The following UNC5C variants were observed in gnomAD, a reference collection of about 807,000 sequenced individuals.
The protein encoded by UNC5C is unc-5 netrin receptor C.
In UNC5C, 47 loss-of-function variants were observed where a neutral mutation model predicts 99.8. That is an observed-to-expected ratio of 0.47 (90% CI 0.37 to 0.60). The LOEUF is 0.60. UNC5C is among the 20% of genes least tolerant of loss of function. The pLI, the probability that UNC5C is intolerant of heterozygous loss-of-function variation, is 0.00. For synonymous variants in UNC5C, 487 were observed against 452.2 expected (o/e 1.08, Z -0.98); for missense variants, 1,062 against 1,165.9 (o/e 0.91, Z 1.30).
intron 7 of UNC5C, 138 bp downstream of exon 7, chr4:95,242,291 A>G: frequency 1.6e-6 from 2 of 1,245,428 alleles, no homozygotes; most frequent in Non-Finnish European, 2.2e-6. Flanking sequence ...CAATTTTGAG[A>G]GCAAGCTAGA....
At chr4:95,361,924 C>T (rs1282325734) in intron 1 of UNC5C, among the ~76,000 whole-genome samples, 1 of 151,700 alleles carries the variant, frequency 6.6e-6, no homozygotes, top group African/African-American at 2.4e-5. Flanking sequence ...GAGCACCATG[C>T]TACGTGACGT....
intron 1 of UNC5C, among the ~76,000 whole-genome samples, chr4:95,480,616 G>C (rs1298644294): frequency 6.6e-6 from 1 of 151,674 alleles, no homozygotes; most frequent in Non-Finnish European, 1.5e-5. Context: ...TCACAAGTTA[G>C]CCCTTGATAA....
In UNC5C at chr4:95,324,522, A is replaced by T. The variant is rs756904295; in HGVS notation, c.346+10888T>A. On this transcript the variant is annotated intron_variant, in intron 2 of 15. Coordinates refer to ENST00000453304, the MANE Select transcript of UNC5C (RefSeq NM_003728.4). ...TCATCCCCCTCCCACTTTGCGGAAA[A>T]ATTGTTTTCCATGAAAACGGTCCCT... 2.0e-4 allele frequency among the ~76,000 whole-genome samples: 31 copies of T among 152,288 alleles called. No homozygotes were observed. The Middle Eastern group carries it at 0.01, about 50-fold the overall frequency.
At chr4:95,542,933 A>T (rs1360517293) in intron 1 of UNC5C, among the ~76,000 whole-genome samples, 2 of 152,132 alleles carry the variant, frequency 1.3e-5, no homozygotes, top group Non-Finnish European at 2.9e-5. Flanking sequence ...ACTATAAATT[A>T]TCCCATTACT....
At chr4:95,469,103 C>T (rs1747887500) in intron 1 of UNC5C, among the ~76,000 whole-genome samples, 1 of 152,114 alleles carries the variant, frequency 6.6e-6, no homozygotes, top group South Asian at 2.1e-4. Context: ...CTATTCCTCC[C>T]TCCCTTAATT....
chr4:95,316,163 A>ACT (rs370776375), intron 2 of UNC5C, among the ~76,000 whole-genome samples: 77 of 152,320 alleles, frequency 5.1e-4, no homozygotes, highest in African/African-American at 1.8e-3. Flanking sequence ...AGCATGACCT[A>ACT]CTATATATGT....
chr4:95,453,506 A>T (rs1385834054), intron 1 of UNC5C, among the ~76,000 whole-genome samples: 2 of 152,094 alleles, frequency 1.3e-5, no homozygotes, highest in African/African-American at 4.8e-5. Flanking sequence ...AAAAAAAAGA[A>T]AGAAAAAACA....
At chr4:95,285,715 T>C (rs1192347212) in intron 3 of UNC5C, among the ~76,000 whole-genome samples, 1 of 152,198 alleles carries the variant, frequency 6.6e-6, no homozygotes, top group Non-Finnish European at 1.5e-5. Context: ...AACCCAGCAT[T>C]AAAAAGTGTG....
chr4:95,541,557 A>C (rs1409307024), intron 1 of UNC5C, among the ~76,000 whole-genome samples: 6 of 152,190 alleles, frequency 3.9e-5, no homozygotes, highest in Non-Finnish European at 8.8e-5. Flanking sequence ...ATCTAAGAGA[A>C]TGTATTTTAT....
chr4:95,200,170 C>T (rs925109384), intron 12 of UNC5C, among the ~76,000 whole-genome samples: 2 of 152,216 alleles, frequency 1.3e-5, no homozygotes, highest in Admixed American at 6.5e-5. Flanking sequence ...TCCTGGAACG[C>T]TCAGTGTTCA....
intron 3 of UNC5C, among the ~76,000 whole-genome samples, chr4:95,293,294 G>GTTT (rs1361294212): frequency 2.9e-5 from 3 of 104,086 alleles, no homozygotes; most frequent in African/African-American, 1.4e-4. Flanking sequence ...ATAATAGTGA[G>GTTT]CTTTTTTTTT....
chr4:95,278,968 C>A (rs758454275), intron 3 of UNC5C, among the ~76,000 whole-genome samples: 6 of 152,074 alleles, frequency 3.9e-5, no homozygotes, highest in Non-Finnish European at 8.8e-5. Context: ...ATTTTTTGAT[C>A]ATCAATTATG....
intron 4 of UNC5C, among the ~76,000 whole-genome samples, chr4:95,271,239 T>A (rs200783492): frequency 0.036 from 5,474 of 152,010 alleles, 310 homozygotes; most frequent in East Asian, 0.31. Flanking sequence ...TTTATTTTTT[T>A]TTTTTTGAGA....
At chr4:95,333,150 G>A (rs1188259659) in intron 2 of UNC5C, among the ~76,000 whole-genome samples, 1 of 152,154 alleles carries the variant, frequency 6.6e-6, no homozygotes, top group Non-Finnish European at 1.5e-5. Flanking sequence ...AACCATTGCG[G>A]AAGTCAGTGT....
At chr4:95,295,343 G>A (rs1030117896) in intron 3 of UNC5C, among the ~76,000 whole-genome samples, 3 of 152,160 alleles carry the variant, frequency 2.0e-5, no homozygotes, top group African/African-American at 7.2e-5. Context: ...GACCCGCCTA[G>A]GAAATTTGGC....
At chr4:95,471,447 A>G (rs1337090100) in intron 1 of UNC5C, among the ~76,000 whole-genome samples, 1 of 152,108 alleles carries the variant, frequency 6.6e-6, no homozygotes, top group Non-Finnish European at 1.5e-5. Flanking sequence ...CACAGCAGAG[A>G]AAATTAGCCA....
At chr4:95,354,480 T>TATATATATA (rs760696053) in intron 1 of UNC5C, among the ~76,000 whole-genome samples, 3 of 105,654 alleles carry the variant, frequency 2.8e-5, no homozygotes, top group Admixed American at 9.8e-5. Context: ...TATATATATA[T>TATATATATA]TTTTTTTTTT....
At chr4:95,187,421 T>C (rs1285089362) in intron 12 of UNC5C, among the ~76,000 whole-genome samples, 1 of 152,180 alleles carries the variant, frequency 6.6e-6, no homozygotes, top group Non-Finnish European at 1.5e-5. Context: ...CAGGAGGTAA[T>C]TGTACCCAAC....
chr4:95,396,554 T>G (rs1203596092), intron 1 of UNC5C, among the ~76,000 whole-genome samples: 3 of 152,078 alleles, frequency 2.0e-5, no homozygotes, highest in Non-Finnish European at 2.9e-5. Context: ...AAGGACAGTT[T>G]AAAGCCTGAA....
Sources: gnomAD v4.1 joint callset for allele counts (sites outside exome capture counted in the v4.1 genomes callset) on GRCh38, gnomAD v4.1.1 for gene constraint, MANE v1.5 for transcripts, NCBI Gene and HGNC (gene_info 2026-07-23, HGNC 2026-07-21) for gene names.